WWOX: variants seen among roughly 807,000 people sequenced by gnomAD.
WWOX encodes WW domain containing oxidoreductase, also known as WW domain-containing oxidoreductase.
Under a neutral mutation model 46.2 loss-of-function variants are expected in WWOX, and 69 were observed. The observed-to-expected ratio is 1.49, with a 90% CI of 1.23 to 1.82. The LOEUF (loss-of-function observed/expected upper bound fraction) is 1.82. Ranked by LOEUF, WWOX falls within the 40% of genes most tolerant of loss-of-function variation. The pLI is 0.00. For missense variants in WWOX, 919 were observed against 542.6 expected (o/e 1.69, Z -6.89); for synonymous variants, 359 against 202.6 (o/e 1.77, Z -6.56).
chr16:79,148,547 A>G (rs1000001231), intron 8 of WWOX, among the ~76,000 whole-genome samples: 4 of 152,056 alleles, frequency 2.6e-5, no homozygotes, highest in African/African-American at 9.7e-5. Flanking sequence ...GCTTCCTAAG[A>G]CCTGTGCTTT....
In WWOX at chr16:78,929,966, G is replaced by T. The variant is rs536418179; in HGVS notation, c.1057-281642G>T. On this transcript the variant is annotated intron_variant, in intron 8 of 8. Coordinates refer to ENST00000566780, the MANE Select transcript of WWOX (RefSeq NM_016373.4). Reference sequence around the variant, plus strand: ...ATTCCCTGTGCTAACTGCCCTTGCAGCTAGCTCTCTGTGACCGTGTGACCA... The same window carrying T: ...ATTCCCTGTGCTAACTGCCCTTGCATCTAGCTCTCTGTGACCGTGTGACCA... Among the ~76,000 whole-genome samples, 213 of 152,250 alleles carry T rather than the reference G, an allele frequency of 1.4e-3. 3 individuals are homozygous for T. The highest frequency in any genetic ancestry group is 9.7e-4 in the East Asian group (5 of 5,160).
chr16:78,884,351 G>C (rs1301381128), intron 8 of WWOX, among the ~76,000 whole-genome samples: 2 of 144,670 alleles, frequency 1.4e-5, no homozygotes, highest in African/African-American at 2.6e-5. Flanking sequence ...TTTGCCAAAA[G>C]ACAAGTACAA....
rs572634927 is a variant in WWOX, at chr16:78,763,242, C to G, written c.1056+330490C>G. ...AAAGCGATACTTTTCCTTCTAAGTA[C>G]TGCTTTACCTGCATCCTGCAAATTT... On this transcript the variant is annotated intron_variant, in intron 8 of 8. Transcript: ENST00000566780. Among the ~76,000 whole-genome samples the G allele has an allele frequency of 9.2e-5, 14 of 152,374 alleles. No homozygotes were observed. In the South Asian group the frequency reaches 2.9e-3, roughly 32 times the overall value.
chr16:78,489,061 A>G (rs1409727657), intron 8 of WWOX, among the ~76,000 whole-genome samples: 1 of 152,110 alleles, frequency 6.6e-6, no homozygotes, highest in Non-Finnish European at 1.5e-5. Flanking sequence ...GGAGATCAAT[A>G]GTTATCTGCT....
At chr16:78,405,749 T>C (rs1248135331) in intron 6 of WWOX, among the ~76,000 whole-genome samples, 6 of 152,280 alleles carry the variant, frequency 3.9e-5, no homozygotes. Context: ...TTTTTATATA[T>C]TTTCTCTAAT....
chr16:78,465,754 G>C (rs981558357), intron 8 of WWOX, among the ~76,000 whole-genome samples: 1 of 152,186 alleles, frequency 6.6e-6, no homozygotes. Context: ...GGCACCAGTA[G>C]TGTAATCACC....
chr16:79,000,095 G>C (rs948720864), intron 8 of WWOX, among the ~76,000 whole-genome samples: 2 of 152,146 alleles, frequency 1.3e-5, no homozygotes, highest in Non-Finnish European at 2.9e-5. Flanking sequence ...TCCTTCATGT[G>C]TCTGAGCAGG....
At chr16:78,463,481 G>T (rs11862842) in intron 8 of WWOX, among the ~76,000 whole-genome samples, 2 of 152,162 alleles carry the variant, frequency 1.3e-5, no homozygotes, top group African/African-American at 4.8e-5. Context: ...GCATTGTCCA[G>T]TTGTGCTGAG....
intron 5 of WWOX, among the ~76,000 whole-genome samples, chr16:78,330,531 A>G (rs917592921): frequency 6.6e-6 from 1 of 151,932 alleles, no homozygotes; most frequent in Non-Finnish European, 1.5e-5. Context: ...CGAGTAGGTG[A>G]GACTACAGGC....
intron 8 of WWOX, among the ~76,000 whole-genome samples, chr16:78,899,886 C>T (rs930676319): frequency 1.3e-5 from 2 of 152,110 alleles, no homozygotes; most frequent in Admixed American, 6.6e-5. Flanking sequence ...AGCCCATTAA[C>T]ACTTGTTCCT....
At chr16:78,208,836 A>G (rs2036473047) in intron 5 of WWOX, among the ~76,000 whole-genome samples, 1 of 152,260 alleles carries the variant, frequency 6.6e-6, no homozygotes, top group Non-Finnish European at 1.5e-5. Context: ...TGAAATAATG[A>G]CTAGTTAATT....
At chr16:78,787,658 G>C (rs982303888) in intron 8 of WWOX, among the ~76,000 whole-genome samples, 4 of 152,112 alleles carry the variant, frequency 2.6e-5, no homozygotes, top group African/African-American at 9.7e-5. Flanking sequence ...GCAAACTCCT[G>C]TTTTCCATTC....
At chr16:78,360,811 C>T (rs2081393260) in intron 5 of WWOX, among the ~76,000 whole-genome samples, 2 of 124,310 alleles carry the variant, frequency 1.6e-5, no homozygotes, top group South Asian at 5.7e-4. Flanking sequence ...GTTGTATCTC[C>T]TTGGTGCCTT....
At chr16:78,236,170 C>A (rs574016540) in intron 5 of WWOX, among the ~76,000 whole-genome samples, 2 of 152,330 alleles carry the variant, frequency 1.3e-5, no homozygotes, top group Admixed American at 1.3e-4. Context: ...ATATCTGAAT[C>A]TTTCTAATCT....
chr16:78,883,150 G>C (rs1308937054), intron 8 of WWOX, among the ~76,000 whole-genome samples: 2 of 152,164 alleles, frequency 1.3e-5, no homozygotes, highest in Admixed American at 6.5e-5. Flanking sequence ...CACATGCCTA[G>C]GCACAAAATA....
At chr16:78,791,300 G>C (rs566235960) in intron 8 of WWOX, among the ~76,000 whole-genome samples, 14 of 152,166 alleles carry the variant, frequency 9.2e-5, no homozygotes, top group African/African-American at 3.4e-4. Context: ...GTCTGGTGAT[G>C]TGCTGGGTGT....
intron 8 of WWOX, among the ~76,000 whole-genome samples, chr16:78,803,418 G>A (rs2050947336): frequency 1.3e-5 from 2 of 152,046 alleles, no homozygotes; most frequent in African/African-American, 4.8e-5. Flanking sequence ...TTAAATTTGT[G>A]CAGAAAAGTA....
At position 78,508,551 on chromosome 16, in the gene WWOX, G is replaced by C. The variant is rs189802395; in HGVS notation, c.1056+75799G>C. Among the ~76,000 whole-genome samples, 18 of 152,252 alleles carry C rather than the reference G, an allele frequency of 1.2e-4. No homozygotes were observed. In the East Asian group the frequency reaches 1.7e-3, roughly 15 times the overall value. On this transcript the variant is annotated intron_variant, in intron 8 of 8. Transcript: ENST00000566780. ...GAGTGTTCTCTAGACCTCACACCCA[G>C]TCCCTATTCTTAGGTTTTATTTCTC...
intron 5 of WWOX, among the ~76,000 whole-genome samples, chr16:78,378,513 A>C (rs1405816869): frequency 6.6e-6 from 1 of 152,196 alleles, no homozygotes; most frequent in Non-Finnish European, 1.5e-5. Context: ...TAGAGGAATT[A>C]GTGTTATGAA....
Sources: allele counts gnomAD v4.1 joint callset (sites outside exome capture counted in the v4.1 genomes callset), GRCh38; gene constraint gnomAD v4.1.1; transcripts MANE v1.5; gene names NCBI Gene and HGNC (gene_info 2026-07-23, HGNC 2026-07-21).